The following MYOF variants were observed in gnomAD, a reference collection of about 807,000 sequenced individuals.
The protein encoded by MYOF is fer-1-like 3, myoferlin.
Under a neutral mutation model 284.2 loss-of-function variants are expected in MYOF, and 244 were observed. The ratio of observed to expected loss-of-function variants is 0.86; its 90% CI spans 0.77 to 0.95. The LOEUF (loss-of-function observed/expected upper bound fraction) is 0.95, where lower values mean the gene tolerates loss of function less well. MYOF is among the 40% of genes least tolerant of loss of function. The pLI is 0.00. For missense variants in MYOF, 2,496 were observed against 2,560.6 expected (o/e 0.97, Z 0.54); for synonymous variants, 904 against 919.7 (o/e 0.98, Z 0.31).
chr10:93,331,451 A>T (rs956916670), intron 43 of MYOF, among the ~76,000 whole-genome samples: 4 of 152,080 alleles, frequency 2.6e-5, no homozygotes, highest in African/African-American at 9.7e-5. Flanking sequence ...CCTGCCACTT[A>T]ATTAAGCTTG....
intron 5 of MYOF, among the ~76,000 whole-genome samples, chr10:93,417,672 C>T (rs370607243): frequency 4.6e-5 from 7 of 152,174 alleles, no homozygotes; most frequent in African/African-American, 1.7e-4. Flanking sequence ...GTCATTGTCC[C>T]CCCACCTCCA....
chr10:93,408,869 A>G lies in MYOF; in HGVS notation c.647T>C (p.Ile216Thr). Residue 216 changes from isoleucine to threonine, a missense_variant, in exon 7 of 54, where the codon ATA becomes ACA. Physicochemically the swap from Ile to Thr is moderately conservative, Grantham distance 89. This residue lies in a region of MYOF where 2,436 missense variants were observed against 2,480.7 expected (regional missense o/e 0.98). Coordinates refer to ENST00000359263, the MANE Select transcript of MYOF (RefSeq NM_013451.4). Reference protein sequence around the residue: ...IEGRQLSGNNIRPVVKVHVCG... With the variant: ...IEGRQLSGNNTRPVVKVHVCG... ...GACGTGAACTTTGACCACAGGCCTT[A>G]TGTTGTTACCACTTAACTGTCGGCC... 6.2e-7 allele frequency: 1 copy of G among 1,614,146 alleles called. No homozygotes were observed. Among genetic ancestry groups the G allele is most frequent in the Non-Finnish European group, 8.5e-7 (1 of 1,180,020 alleles).
chr10:93,312,494 C>T (rs374701585), intron 51 of MYOF, among the ~76,000 whole-genome samples: 4 of 152,064 alleles, frequency 2.6e-5, no homozygotes, highest in African/African-American at 9.7e-5. Flanking sequence ...TACAGGTGTG[C>T]ACCACCACTA....
intron 1 of MYOF, among the ~76,000 whole-genome samples, chr10:93,478,801 C>T (rs1352338929): frequency 2.1e-5 from 1 of 46,632 alleles, no homozygotes; most frequent in African/African-American, 9.1e-5. Flanking sequence ...CTCTTCCCTC[C>T]TGGATGGCAG....
At chr10:93,417,456 C>T (rs187184323) in intron 5 of MYOF, among the ~76,000 whole-genome samples, 1 of 152,164 alleles carries the variant, frequency 6.6e-6, no homozygotes, top group African/African-American at 2.4e-5. Context: ...TCCACCCACT[C>T]AGTGCTGAAG....
chr10:93,363,499 C>G (rs1429451236), intron 27 of MYOF, among the ~76,000 whole-genome samples: 2 of 152,092 alleles, frequency 1.3e-5, no homozygotes, highest in African/African-American at 4.8e-5. Flanking sequence ...GAACCCATCT[C>G]TACAAAAAAA....
intron 19 of MYOF, among the ~76,000 whole-genome samples, chr10:93,384,058 C>T (rs1236700665): frequency 6.6e-6 from 1 of 152,174 alleles, no homozygotes; most frequent in Non-Finnish European, 1.5e-5. Flanking sequence ...AGCACAATTC[C>T]CAACAGAGAA....
At chr10:93,460,942 A>C (rs34400576) in intron 1 of MYOF, among the ~76,000 whole-genome samples, 39,854 of 151,438 alleles carry the variant, frequency 0.26, 5,458 homozygotes, top group Middle Eastern at 0.37. Context: ...TAAAAATACA[A>C]AATTTAGCCA....
intron 38 of MYOF, chr10:93,341,829 G>T: frequency 2.2e-6 from 2 of 909,522 alleles, no homozygotes; most frequent in South Asian, 1.5e-5. Flanking sequence ...TCTACTAATG[G>T]AAAGAGTTGT....
At chr10:93,330,504 G>T (rs895347628) in intron 43 of MYOF, among the ~76,000 whole-genome samples, 2 of 152,200 alleles carry the variant, frequency 1.3e-5, no homozygotes, top group African/African-American at 4.8e-5. Context: ...TATGTAGGGT[G>T]CCCCAAAGGC....
At chr10:93,423,811 C>T (rs550315891) in intron 5 of MYOF, among the ~76,000 whole-genome samples, 17 of 149,282 alleles carry the variant, frequency 1.1e-4, no homozygotes, top group Non-Finnish European at 1.9e-4. Flanking sequence ...CCAGCCTGGG[C>T]GACAGAGCCA....
intron 40 of MYOF, among the ~76,000 whole-genome samples, chr10:93,336,677 T>C (rs1464393508): frequency 6.6e-6 from 1 of 152,076 alleles, no homozygotes; most frequent in Non-Finnish European, 1.5e-5. Flanking sequence ...GTATATACAA[T>C]AATCACAACT....
chr10:93,347,129 T>A (rs1178697154), intron 37 of MYOF, among the ~76,000 whole-genome samples: 2 of 152,124 alleles, frequency 1.3e-5, no homozygotes, highest in African/African-American at 4.8e-5. Context: ...CACTTACGAA[T>A]GATAGAACCT....
At position 93,431,490 on chromosome 10, in the gene MYOF, AG is replaced by A; in HGVS notation, c.262del (p.Leu88Ter). On this transcript the variant is annotated frameshift_variant, in exon 4 of 54. Coordinates refer to ENST00000359263, the MANE Select transcript of MYOF (RefSeq NM_013451.4). LOFTEE classifies it high-confidence loss of function. The stretch of plus-strand genomic sequence containing the variant: ...GCTCTGGTCACCAGTCAGGTCCTTC[AG>A]GGCTACAGTCGCCGTGCCAATTAAT... The part of the protein sequence containing the change: ...NKLIGTATVA[L>X]KDLTGDQSRS... 1 of 1,613,968 alleles carries A rather than the reference AG, an allele frequency of 6.2e-7. No homozygotes were observed. Among genetic ancestry groups the A allele is most frequent in the Non-Finnish European group, 8.5e-7 (1 of 1,179,914 alleles).
chr10:93,352,935 A>G (rs1844590354), intron 32 of MYOF, among the ~76,000 whole-genome samples: 1 of 152,264 alleles, frequency 6.6e-6, no homozygotes, highest in Non-Finnish European at 1.5e-5. Flanking sequence ...GAAACCATTC[A>G]CAAATATTGG....
chr10:93,312,489 G>T (rs1330373286), intron 51 of MYOF, among the ~76,000 whole-genome samples: 1 of 152,098 alleles, frequency 6.6e-6, no homozygotes, highest in Non-Finnish European at 1.5e-5. Flanking sequence ...GGGACTACAG[G>T]TGTGCACCAC....
At chr10:93,467,635 A>G (rs894501199) in intron 1 of MYOF, among the ~76,000 whole-genome samples, 11 of 152,100 alleles carry the variant, frequency 7.2e-5, no homozygotes, top group African/African-American at 2.4e-4. Flanking sequence ...TATATACCCA[A>G]AGGATTATAA....
At chr10:93,464,520 C>T (rs905228517) in intron 1 of MYOF, among the ~76,000 whole-genome samples, 3 of 152,186 alleles carry the variant, frequency 2.0e-5, no homozygotes, top group African/African-American at 7.2e-5. Context: ...GGGAAAAGCA[C>T]AGATGTCGGC....
intron 1 of MYOF, among the ~76,000 whole-genome samples, chr10:93,478,749 T>C (rs2057321326): frequency 6.6e-6 from 1 of 150,382 alleles, no homozygotes; most frequent in Non-Finnish European, 1.5e-5. Flanking sequence ...GAGGATCGCT[T>C]GAGCCCAGGA....
Sources: allele counts gnomAD v4.1 joint callset (sites outside exome capture counted in the v4.1 genomes callset), GRCh38; gene constraint gnomAD v4.1.1; regional missense constraint gnomAD v4.1.1; transcripts MANE v1.5; gene names NCBI Gene and HGNC (gene_info 2026-07-23, HGNC 2026-07-21).